Variants in SNTA1 observed in about 807,000 individuals in gnomAD.
The protein encoded by SNTA1 is alpha-1-syntrophin.
Under a neutral mutation model 47.1 loss-of-function variants are expected in SNTA1, and 31 were observed. That is an observed-to-expected ratio of 0.66 (90% CI 0.49 to 0.89). The LOEUF is 0.89. Ranked by LOEUF, SNTA1 falls within the 40% of genes least tolerant of loss-of-function variation. SNTA1 has a pLI of 0.00. For synonymous variants in SNTA1, 300 were observed against 313.6 expected (o/e 0.96, Z 0.46); for missense variants, 575 against 693.0 (o/e 0.83, Z 1.91).
chr20:33,413,779 A>T (rs185289610), intron 3 of SNTA1, among the ~76,000 whole-genome samples: 56 of 150,910 alleles, frequency 3.7e-4, no homozygotes, highest in African/African-American at 1.2e-3. Context: ...AGAAAAAAAA[A>T]TTTTTTTTTT....
intron 2 of SNTA1, among the ~76,000 whole-genome samples, chr20:33,418,916 C>T (rs1989951303): frequency 6.6e-6 from 1 of 151,120 alleles, no homozygotes; most frequent in Admixed American, 6.6e-5. Context: ...GAGTTCAAGA[C>T]CACCCTGGCC....
rs1461300570 is a variant in SNTA1, at chr20:33,408,357, A to G, written c.*150T>C. 1 of 699,590 alleles carries G rather than the reference A, an allele frequency of 1.4e-6. No individual in the cohort carries two copies. Among genetic ancestry groups the G allele is most frequent in the Non-Finnish European group, 2.6e-6 (1 of 380,484 alleles). The allele number at this position is 699,590 out of a possible 1,614,324, so 43.3% of individuals were successfully genotyped here. ...CGTCTGGGTCCTGGGCCCCAAGACC[A>G]ATCCAGTCTCCCTCAGGGTTGGGGT... On this transcript the variant is annotated 3_prime_UTR_variant, in exon 8 of 8. Coordinates refer to ENST00000217381, the MANE Select transcript of SNTA1 (RefSeq NM_003098.3).
chr20:33,429,308 C>G (rs1230905077), intron 2 of SNTA1, among the ~76,000 whole-genome samples: 1 of 125,312 alleles, frequency 8.0e-6, no homozygotes, highest in Non-Finnish European at 1.6e-5. Context: ...TGCACTCCAG[C>G]CTGGGTAACA....
intron 6 of SNTA1, 78 bp downstream of exon 6, chr20:33,410,057 C>T: frequency 6.7e-7 from 1 of 1,500,228 alleles, no homozygotes; most frequent in South Asian, 1.1e-5. Context: ...CTGAAGTGCC[C>T]TAAAGAAGGA....
In SNTA1 at chr20:33,434,749, G is replaced by A. The variant is rs1990394818; in HGVS notation, c.496+4092C>T. Among the ~76,000 whole-genome samples the A allele has an allele frequency of 3.3e-5, 5 of 150,998 alleles. 1 individual carries two copies. The highest frequency in any genetic ancestry group is 2.0e-4 in the Admixed American group (3 of 15,092). ...GATGAAATCTCACTGTGTTGCCCAA[G>A]CTGGTCTCGAACTCCTGGGCTCAAG... On this transcript the variant is annotated intron_variant, in intron 2 of 7. Transcript: ENST00000217381.
intron 3 of SNTA1, 121 bp downstream of exon 3, chr20:33,417,598 C>A: frequency 2.7e-6 from 2 of 738,100 alleles, no homozygotes; most frequent in South Asian, 1.5e-5. Flanking sequence ...ATTTTTTAAG[C>A]ACCTACTATG....
chr20:33,414,245 C>CAAA (rs56186098), intron 3 of SNTA1, among the ~76,000 whole-genome samples: 1,755 of 29,106 alleles, frequency 0.06, 233 homozygotes, highest in African/African-American at 0.09. Context: ...TCTCAAAAAC[C>CAAA]AAAAAAAAAA....
rs1176685600 is a variant in SNTA1, at chr20:33,417,754, G to A, written c.666C>T (p.Val222=). ...GGTCATTGGGGGTGCACCTCTTCGAGACATATGCCATCTTCAAGGACATGT... is the reference window on the plus strand; with the variant it reads ...GGTCATTGGGGGTGCACCTCTTCGAAACATATGCCATCTTCAAGGACATGT... ...AKHMSLKMAY[V]SKRCTPNDPE... The change falls in exon 3 of 8, where the codon GTC becomes GTT. Residue 222 remains valine, a synonymous_variant. Coordinates refer to ENST00000217381, the MANE Select transcript of SNTA1 (RefSeq NM_003098.3). 2 of 1,613,992 alleles carry A rather than the reference G, an allele frequency of 1.2e-6. No individual in the cohort carries two copies. The highest frequency in any genetic ancestry group is 3.3e-5 in the Admixed American group (2 of 59,984).
At chr20:33,432,076 G>A (rs2146797502) in intron 2 of SNTA1, among the ~76,000 whole-genome samples, 1 of 152,302 alleles carries the variant, frequency 6.6e-6, no homozygotes, top group South Asian at 2.1e-4. Flanking sequence ...AGAACAACAG[G>A]TCTTTGCGGC....
In SNTA1 at chr20:33,410,132, C is replaced by T; in HGVS notation, c.1237+3G>A. 1 of 1,614,200 alleles carries T rather than the reference C, an allele frequency of 6.2e-7. No individual in the cohort carries two copies. The highest frequency in any genetic ancestry group is 8.5e-7 in the Non-Finnish European group (1 of 1,180,006). ...GGGACACTCCCAGATCCTCCCAGCA[C>T]ACCTGTAGACACCTCCTGCACACCC... On this transcript the variant is annotated splice_donor_region_variant and intron_variant, in intron 6 of 7. Coordinates refer to ENST00000217381, the MANE Select transcript of SNTA1 (RefSeq NM_003098.3).
rs781530478 is a variant in SNTA1 at position 33,417,868 on chromosome 20, C to A, written c.552G>T (p.Ser184=). 7.4e-6 allele frequency: 12 copies of A among 1,614,038 alleles called. No individual in the cohort carries two copies. The highest frequency in any genetic ancestry group is 1.0e-5 in the Non-Finnish European group (12 of 1,180,000). The change falls in exon 3 of 8, where the codon TCG becomes TCT. Residue 184 remains serine (S), a synonymous_variant. Coordinates refer to ENST00000217381, the MANE Select transcript of SNTA1 (RefSeq NM_003098.3). The part of the protein sequence containing the change: ...PYFKNSTGGT[S]VGWDSPPASP... ...AGGCAGGAGGTGAGTCCCAGCCGAC[C>A]GAGGTCCCACCAGTAGAGTTCTTGA...
intron 6 of SNTA1, 83 bp downstream of exon 6, chr20:33,410,052 G>T: frequency 7.0e-7 from 1 of 1,422,328 alleles, no homozygotes; most frequent in Non-Finnish European, 9.9e-7. Context: ...CCCTCCTGAA[G>T]TGCCCTAAAG....
In SNTA1 at chr20:33,439,010, C is replaced by G. The variant is rs1280251666; in HGVS notation, c.327G>C (p.Lys109Asn). The G allele has an allele frequency of 2.5e-5, 40 of 1,614,074 alleles. No homozygotes were observed. Among genetic ancestry groups the G allele is most frequent in the Non-Finnish European group, 3.3e-5 (39 of 1,180,030 alleles). Residue 109 changes from lysine to asparagine, a missense_variant, in exon 2 of 8, where the codon AAG becomes AAC. Coordinates refer to ENST00000217381, the MANE Select transcript of SNTA1 (RefSeq NM_003098.3). Reference protein sequence around the residue: ...GISIKGGRENKMPILISKIFK... With the variant: ...GISIKGGRENNMPILISKIFK... ...AGATCTTGGAAATGAGAATAGGCAT[C>G]TTGTTCTCCCGGCCGCCTGCACAGG...
intron 2 of SNTA1, among the ~76,000 whole-genome samples, chr20:33,419,631 A>G (rs1989970592): frequency 6.6e-6 from 1 of 152,172 alleles, no homozygotes; most frequent in African/African-American, 2.4e-5. Context: ...GAAGTGGGAC[A>G]TATCACAGCC....
intron 2 of SNTA1, among the ~76,000 whole-genome samples, chr20:33,435,294 CG>C (rs1216464244): frequency 1.3e-5 from 2 of 150,164 alleles, no homozygotes; most frequent in Non-Finnish European, 3.0e-5. Context: ...ACCTAGCCAC[CG>C]GCTTTTAAAG....
At chr20:33,410,986 G>A (rs1209622988) in intron 5 of SNTA1, among the ~76,000 whole-genome samples, 2 of 152,078 alleles carry the variant, frequency 1.3e-5, no homozygotes, top group Non-Finnish European at 2.9e-5. Context: ...CCTGACACAC[G>A]GGCCAGAGCC....
At chr20:33,435,530 T>C (rs1489578993) in intron 2 of SNTA1, among the ~76,000 whole-genome samples, 2 of 151,800 alleles carry the variant, frequency 1.3e-5, no homozygotes, top group Non-Finnish European at 2.9e-5. Context: ...GAGAAGGAGG[T>C]TGCAGTAAGC....
intron 5 of SNTA1, among the ~76,000 whole-genome samples, chr20:33,410,566 C>CT (rs1989716919): frequency 6.6e-6 from 1 of 152,220 alleles, no homozygotes; most frequent in Admixed American, 6.5e-5. Flanking sequence ...ACATGCCTGC[C>CT]TCAGCACCTT....
In SNTA1 at chr20:33,443,448, T is replaced by C. The variant is rs555231776; in HGVS notation, c.173A>G (p.Glu58Gly). 258 of 1,360,516 alleles carry C rather than the reference T, an allele frequency of 1.9e-4. 1 individual carries two copies. The South Asian group carries it at 4.0e-3, about 21-fold the overall frequency. 84.3% of individuals were successfully genotyped at this position (1,360,516 alleles called of 1,614,324 possible). ...GCCGTTGAGCTGCGCGGGCTCCTGC[T>C]CCCGCGGAGCGCCGGGCTCGGGACC... ...DPGPEPGAPR[E>G]QEPAQLNGAA... The change falls in exon 1 of 8, where the codon GAG (glutamate) becomes GGG (glycine). Residue 58 changes from glutamate to glycine, a missense_variant. Physicochemically the swap from Glu to Gly is moderately conservative, Grantham distance 98. Coordinates refer to ENST00000217381, the MANE Select transcript of SNTA1 (RefSeq NM_003098.3).
Sources: allele counts gnomAD v4.1 joint callset (sites outside exome capture counted in the v4.1 genomes callset), GRCh38; gene constraint gnomAD v4.1.1; transcripts MANE v1.5; gene names NCBI Gene and HGNC (gene_info 2026-07-23, HGNC 2026-07-21).